The following GABRR2 variants were observed in gnomAD, a reference collection of about 807,000 sequenced individuals.
GABRR2 encodes gamma-aminobutyric acid receptor subunit rho-2.
A neutral mutation model predicts 47.0 loss-of-function variants in GABRR2; 36 were observed. The ratio of observed to expected loss-of-function variants is 0.77; its 90% CI spans 0.59 to 1.01. The LOEUF (loss-of-function observed/expected upper bound fraction) is 1.01, where lower values mean the gene tolerates loss of function less well. GABRR2 is among the 50% of genes least tolerant of loss of function. The pLI is 0.00. For synonymous variants in GABRR2, 204 were observed against 227.5 expected, an observed-to-expected ratio of 0.90 and a Z score of 0.93; for missense variants, 587 against 594.6, an observed-to-expected ratio of 0.99 and a Z score of 0.13.
In GABRR2 at chr6:89,257,919, C is replaced by T. The variant is rs759888126; in HGVS notation, c.1149G>A (p.Glu383=). 3 of 1,613,952 alleles carry T rather than the reference C, an allele frequency of 1.9e-6. No homozygotes were observed. Among genetic ancestry groups the T allele is most frequent in the African/African-American group, 2.7e-5 (2 of 74,952 alleles). ...ACCCAGCCAGGCTGTTGGCCTCAGA[C>T]TCACTGTAGCTTCCATCCAGCATCA... is the stretch of plus-strand genomic sequence containing the variant. ...KTMMLDGSYS[E]SEANSLAGYP... is the part of the protein sequence containing the mutation. Residue 383 remains glutamate, a synonymous_variant, in exon 9 of 9, where the codon GAG becomes GAA. Transcript: ENST00000402938.
chr6:89,300,745 CAAA>C lies in GABRR2; in HGVS notation c.114-883_114-881del, dbSNP rs56360515. On this transcript the variant is annotated intron_variant, in intron 1 of 8. Transcript: ENST00000402938. ...AATCAATAATAAATAGCGTACCAACCAAAAAAAAAAAAAAAAAAAAAGGCCCAG... is the reference window on the plus strand; with the variant it reads ...AATCAATAATAAATAGCGTACCAACCAAAAAAAAAAAAAAAAAAGGCCCAG... Among the ~76,000 whole-genome samples the C allele has an allele frequency of 1.2e-4, 9 of 76,396 alleles. No individual in the cohort carries two copies. The East Asian group carries it at 2.4e-3, about 20-fold the overall frequency. The allele number at this position is 76,396 out of a possible 152,430, so 50.1% of individuals were successfully genotyped here. A position where few individuals can be genotyped will look rare whatever the true frequency, so the allele number is the denominator to read the frequency against.
chr6:89,256,354 T>C lies in GABRR2; in HGVS notation c.*1316A>G, dbSNP rs1345650508. On this transcript the variant is annotated 3_prime_UTR_variant, in exon 9 of 9. Transcript: ENST00000402938. ...ATTTGTGTGGTATTTCCTTTACTAG[T>C]TCCTTCTCTGAGAGCTTCGACTACT... Among the ~76,000 whole-genome samples the C allele has an allele frequency of 6.6e-6, 1 of 152,004 alleles. No individual in the cohort carries two copies. Among genetic ancestry groups the C allele is most frequent in the Non-Finnish European group, 1.5e-5 (1 of 68,000 alleles).
At position 89,301,529 on chromosome 6, in the gene GABRR2, G is replaced by A. The variant is rs574429878; in HGVS notation, c.114-1664C>T. ...TGATAAACAACTTCAGCAAAGTTTT[G>A]GGATACAAGATCAATGTAAAAAATC... On this transcript the variant is annotated intron_variant, in intron 1 of 8. Coordinates refer to ENST00000402938, the MANE Select transcript of GABRR2 (RefSeq NM_002043.5). Among the ~76,000 whole-genome samples, 20 of 152,156 alleles carry A rather than the reference G, an allele frequency of 1.3e-4. No individual in the cohort carries two copies. The South Asian group carries it at 4.2e-3, about 32-fold the overall frequency.
intron 1 of GABRR2, chr6:89,301,944 C>T: frequency 1.0e-6 from 1 of 972,840 alleles, no homozygotes; most frequent in Non-Finnish European, 1.7e-6. Flanking sequence ...ACAACGAGGC[C>T]TCTTCTCATA....
At chr6:89,280,995 C>T (rs1480684105) in intron 2 of GABRR2, among the ~76,000 whole-genome samples, 2 of 152,204 alleles carry the variant, frequency 1.3e-5, no homozygotes, top group Non-Finnish European at 2.9e-5. Context: ...TAAGTAATAA[C>T]GATTTTTCAC....
intron 1 of GABRR2, among the ~76,000 whole-genome samples, chr6:89,306,915 C>T: frequency 6.8e-6 from 1 of 147,570 alleles, no homozygotes; most frequent in East Asian, 1.9e-4. Context: ...GTTACCTGTT[C>T]CTCTTATAGG....
chr6:89,282,023 AT>A (rs1774261530), intron 2 of GABRR2, among the ~76,000 whole-genome samples: 1 of 152,012 alleles, frequency 6.6e-6, no homozygotes, highest in African/African-American at 2.4e-5. Flanking sequence ...GCTTCAACTC[AT>A]CCGTCCAGCC....
At chr6:89,303,947 T>C (rs910077312) in intron 1 of GABRR2, among the ~76,000 whole-genome samples, 3 of 152,074 alleles carry the variant, frequency 2.0e-5, no homozygotes, top group Admixed American at 6.5e-5. Flanking sequence ...CATATACAAA[T>C]ATCAACTCAA....
intron 1 of GABRR2, among the ~76,000 whole-genome samples, chr6:89,310,629 T>C (rs1479744420): frequency 6.6e-6 from 1 of 152,102 alleles, no homozygotes; most frequent in Non-Finnish European, 1.5e-5. Flanking sequence ...GCATCCCTAA[T>C]TGAGTATCCT....
intron 1 of GABRR2, among the ~76,000 whole-genome samples, chr6:89,314,007 A>AT (rs1426252442): frequency 6.9e-6 from 1 of 145,008 alleles, no homozygotes; most frequent in Non-Finnish European, 1.5e-5. Flanking sequence ...TGTAACTCTT[A>AT]TTTATATTCA....
intron 8 of GABRR2, among the ~76,000 whole-genome samples, chr6:89,259,589 C>T (rs1345531341): frequency 2.0e-5 from 3 of 151,904 alleles, no homozygotes; most frequent in African/African-American, 7.3e-5. Context: ...TTGCAACTTC[C>T]GCCTCCAAGG....
intron 1 of GABRR2, among the ~76,000 whole-genome samples, chr6:89,307,284 G>A (rs1582466483): frequency 6.6e-6 from 1 of 151,992 alleles, no homozygotes; most frequent in Non-Finnish European, 1.5e-5. Flanking sequence ...TGCAATCAAG[G>A]CTAAGAATCA....
At position 89,255,945 on chromosome 6, in the gene GABRR2, C is replaced by T. The variant is rs1172118184; in HGVS notation, c.*1725G>A. On this transcript the variant is annotated 3_prime_UTR_variant, in exon 9 of 9. Transcript: ENST00000402938. The stretch of plus-strand genomic sequence containing the variant: ...ATTATTTTAGAGATAGGGTCTCGCT[C>T]TGTCACTCAGGCTGGACTGCAGTGG... Among the ~76,000 whole-genome samples the T allele has an allele frequency of 1.3e-5, 2 of 151,780 alleles. No individual in the cohort carries two copies. Among genetic ancestry groups the T allele is most frequent in the African/African-American group, 2.4e-5 (1 of 41,294 alleles).
intron 1 of GABRR2, chr6:89,302,774 C>A (rs1767479691): frequency 1.4e-6 from 2 of 1,444,580 alleles, no homozygotes; most frequent in East Asian, 5.5e-5. Flanking sequence ...AGAGCAAGAA[C>A]AGCAGCTACT....
chr6:89,265,038 C>G (rs1354585272), intron 7 of GABRR2, among the ~76,000 whole-genome samples: 1 of 152,130 alleles, frequency 6.6e-6, no homozygotes, highest in Admixed American at 6.5e-5. Context: ...CCCAGAGGCC[C>G]ATCATGCGGG....
chr6:89,260,993 G>A (rs1429360197), intron 8 of GABRR2, among the ~76,000 whole-genome samples: 1 of 152,308 alleles, frequency 6.6e-6, no homozygotes, highest in East Asian at 1.9e-4. Context: ...CTCACCTCAG[G>A]ATGTCTGTTC....
At chr6:89,265,543 T>C (rs1452775350) in intron 7 of GABRR2, 70 bp downstream of exon 7, 77 of 1,509,644 alleles carry the variant, frequency 5.1e-5, no homozygotes, top group Non-Finnish European at 6.8e-5. Context: ...TAATGATTTT[T>C]ACTTTTTGTA....
chr6:89,302,572 C>T, intron 1 of GABRR2: 1 of 1,014,578 alleles, frequency 9.9e-7, no homozygotes, highest in Admixed American at 1.9e-5. Context: ...TGCACTTCTT[C>T]ATGCCAGGCA....
chr6:89,270,740 A>T (rs1774032124), intron 3 of GABRR2, among the ~76,000 whole-genome samples: 1 of 152,178 alleles, frequency 6.6e-6, no homozygotes, highest in Non-Finnish European at 1.5e-5. Context: ...CAGTGCTGGC[A>T]AGTGGAGCCT....
Sources: allele counts gnomAD v4.1 joint callset (sites outside exome capture counted in the v4.1 genomes callset), GRCh38; gene constraint gnomAD v4.1.1; transcripts MANE v1.5; gene names NCBI Gene and HGNC (gene_info 2026-07-23, HGNC 2026-07-21).